Variants in KIAA1217 observed in about 807,000 individuals in gnomAD.
KIAA1217 encodes the protein KIAA1217.
KIAA1217 carries 88 observed loss-of-function variants against 163.9 expected under a neutral mutation model. The observed-to-expected ratio is 0.54, with a 90% CI of 0.45 to 0.64. KIAA1217 has a LOEUF of 0.64. Among genes scored for constraint, KIAA1217 ranks in the 30% least tolerant of loss-of-function variants. KIAA1217 has a pLI of 0.00. For missense variants in KIAA1217, 2,372 were observed against 2,475.0 expected, an observed-to-expected ratio of 0.96 and a Z score of 0.88; for synonymous variants, 903 against 923.1, an observed-to-expected ratio of 0.98 and a Z score of 0.39.
At chr10:24,267,574 A>G (rs1344854740) in intron 2 of KIAA1217, among the ~76,000 whole-genome samples, 1 of 152,158 alleles carries the variant, frequency 6.6e-6, no homozygotes, top group Non-Finnish European at 1.5e-5. Flanking sequence ...CAGCCTCCCA[A>G]AGAGCTGGGA....
intron 1 of KIAA1217, among the ~76,000 whole-genome samples, chr10:23,951,287 C>T (rs933975314): frequency 3.3e-5 from 5 of 152,006 alleles, no homozygotes; most frequent in South Asian, 4.2e-4. Flanking sequence ...CACAGCTTCT[C>T]CTAGGAACTC....
At chr10:23,761,817 A>T (rs964756150) in intron 1 of KIAA1217, among the ~76,000 whole-genome samples, 13 of 151,998 alleles carry the variant, frequency 8.6e-5, no homozygotes, top group African/African-American at 2.9e-4. Context: ...CTTGTTAATT[A>T]GCTGGTGTTT....
At chr10:24,073,722 T>C (rs886541055) in intron 2 of KIAA1217, among the ~76,000 whole-genome samples, 2 of 152,196 alleles carry the variant, frequency 1.3e-5, no homozygotes, top group African/African-American at 4.8e-5. Flanking sequence ...TTGACTCCTC[T>C]GAACTTCCAG....
chr10:23,751,258 G>T (rs1839723683), intron 1 of KIAA1217, among the ~76,000 whole-genome samples: 1 of 152,042 alleles, frequency 6.6e-6, no homozygotes, highest in Non-Finnish European at 1.5e-5. Context: ...AAACTCCTGA[G>T]CTCAAGCTCT....
intron 8 of KIAA1217, among the ~76,000 whole-genome samples, chr10:24,497,509 G>A (rs2066941918): frequency 6.6e-6 from 1 of 152,084 alleles, no homozygotes; most frequent in Admixed American, 6.5e-5. Flanking sequence ...GAAGTGGGAG[G>A]ACTGCTTGAG....
At chr10:24,259,770 G>A (rs2075544853) in intron 2 of KIAA1217, among the ~76,000 whole-genome samples, 1 of 152,176 alleles carries the variant, frequency 6.6e-6, no homozygotes, top group Admixed American at 6.5e-5. Context: ...GGGAACCTGT[G>A]TCCTGTGGGA....
intron 2 of KIAA1217, chr10:24,255,480 A>AT (rs1344848284): frequency 2.2e-6 from 1 of 455,378 alleles, no homozygotes; most frequent in African/African-American, 2.0e-5. Flanking sequence ...CTGATGTTCC[A>AT]TGCCACATCT....
chr10:23,853,026 C>T (rs1025316767), intron 1 of KIAA1217, among the ~76,000 whole-genome samples: 2 of 152,144 alleles, frequency 1.3e-5, no homozygotes, highest in African/African-American at 2.4e-5. Context: ...GCCTAATTGC[C>T]CCGGCCAGAA....
intron 2 of KIAA1217, among the ~76,000 whole-genome samples, chr10:24,316,984 G>C (rs934004982): frequency 1.3e-5 from 2 of 152,074 alleles, no homozygotes; most frequent in Non-Finnish European, 2.9e-5. Flanking sequence ...GAAAAAATCA[G>C]GTTATGTTTA....
intron 1 of KIAA1217, among the ~76,000 whole-genome samples, chr10:23,933,933 G>T (rs1843363265): frequency 6.6e-6 from 1 of 152,154 alleles, no homozygotes; most frequent in Non-Finnish European, 1.5e-5. Flanking sequence ...CTTTTACACT[G>T]TTGGTAGGAA....
At chr10:24,277,819 T>C (rs1234052313) in intron 2 of KIAA1217, among the ~76,000 whole-genome samples, 1 of 152,214 alleles carries the variant, frequency 6.6e-6, no homozygotes, top group Non-Finnish European at 1.5e-5. Context: ...AATCGCAGCA[T>C]GAGAATGGCC....
intron 1 of KIAA1217, among the ~76,000 whole-genome samples, chr10:23,993,615 G>T (rs548238733): frequency 7.4e-6 from 1 of 135,296 alleles, no homozygotes; most frequent in South Asian, 2.3e-4. Context: ...GAGTGCAGTG[G>T]CATGATCTCA....
chr10:23,927,379 A>G (rs893372080), intron 1 of KIAA1217, among the ~76,000 whole-genome samples: 2 of 149,410 alleles, frequency 1.3e-5, no homozygotes, highest in African/African-American at 5.1e-5. Context: ...TTTTCTATAC[A>G]TTGAGGTTCT....
intron 2 of KIAA1217, among the ~76,000 whole-genome samples, chr10:24,348,018 A>G (rs908944723): frequency 3.3e-5 from 5 of 152,218 alleles, no homozygotes; most frequent in African/African-American, 7.2e-5. Flanking sequence ...GAAAGTTGCT[A>G]TATGAGTGAA....
At chr10:24,327,513 C>T (rs180671439) in intron 2 of KIAA1217, among the ~76,000 whole-genome samples, 73 of 152,168 alleles carry the variant, frequency 4.8e-4, no homozygotes, top group Admixed American at 4.1e-3. Context: ...GTTTTTGAGA[C>T]AGGGTCTTGT....
At chr10:23,858,354 A>G (rs1385375281) in intron 1 of KIAA1217, among the ~76,000 whole-genome samples, 1 of 152,126 alleles carries the variant, frequency 6.6e-6, no homozygotes, top group Non-Finnish European at 1.5e-5. Flanking sequence ...TTAAAAATTG[A>G]TGATACCTAA....
rs58288361 is a variant in KIAA1217 at position 23,869,124 on chromosome 10, G to GTTTTTTTTTTTTTT, written c.-320-138084_-320-138071dup. On this transcript the variant is annotated intron_variant, in intron 1 of 18. Transcript: ENST00000376462. ...GTGTAACGTGCAATCATGAAATGTA[G>GTTTTTTTTTTTTTT]TTTTTTTTTTTTTTTTTTTTTTTTT... Among the ~76,000 whole-genome samples the GTTTTTTTTTTTTTT allele has an allele frequency of 4.1e-4, 13 of 31,724 alleles. 2 individuals are homozygous for GTTTTTTTTTTTTTT. Among genetic ancestry groups the GTTTTTTTTTTTTTT allele is most frequent in the African/African-American group, 1.6e-3 (13 of 8,288 alleles). The allele number at this position is 31,724 out of a possible 152,430, so 20.8% of individuals were successfully genotyped here.
intron 3 of KIAA1217, among the ~76,000 whole-genome samples, chr10:24,387,425 T>C (rs1314236205): frequency 6.6e-6 from 1 of 152,196 alleles, no homozygotes; most frequent in Admixed American, 6.5e-5. Context: ...GAGCTACTTA[T>C]GACAAACCCA....
intron 1 of KIAA1217, among the ~76,000 whole-genome samples, chr10:23,836,574 A>G (rs1308728810): frequency 6.7e-6 from 1 of 149,936 alleles, no homozygotes; most frequent in Non-Finnish European, 1.5e-5. Context: ...ATTTACTTAC[A>G]TGTATATATT....
Sources: gnomAD v4.1 joint callset for allele counts (sites outside exome capture counted in the v4.1 genomes callset) on GRCh38, gnomAD v4.1.1 for gene constraint, MANE v1.5 for transcripts, NCBI Gene and HGNC (gene_info 2026-07-23, HGNC 2026-07-21) for gene names.